AQP9: variants seen among roughly 807,000 people sequenced by gnomAD.
The protein encoded by AQP9 is aquaporin-9.
AQP9 carries 19 observed loss-of-function variants against 23.8 expected under a neutral mutation model. The ratio of observed to expected loss-of-function variants is 0.80; its 90% CI spans 0.56 to 1.17. The LOEUF (loss-of-function observed/expected upper bound fraction) is 1.17, where lower values mean the gene tolerates loss of function less well. Among genes scored for constraint, AQP9 ranks in the 50% most tolerant of loss-of-function variants. The probability of loss-of-function intolerance (pLI) is 0.00; values close to 1 mark genes in which losing one functional copy is unlikely to be tolerated. For synonymous variants in AQP9, 153 were observed against 131.5 expected (o/e 1.16, Z -1.12); for missense variants, 413 against 362.0 (o/e 1.14, Z -1.14).
intron 1 of AQP9, chr15:58,163,889 G>C (rs548939458): frequency 6.6e-6 from 1 of 152,248 alleles, no homozygotes; most frequent in Non-Finnish European, 1.5e-5. Flanking sequence ...ATGGTCTGCT[G>C]TCCCGGTGCT....
chr15:58,180,535 TGAATAAAA>T (rs1348222377), intron 5 of AQP9, among the ~76,000 whole-genome samples: 1 of 152,054 alleles, frequency 6.6e-6, no homozygotes, highest in Non-Finnish European at 1.5e-5. Flanking sequence ...AAAAAGGTAT[TGAATAAAA>T]GAATGAATGA....
intron 1 of AQP9, among the ~76,000 whole-genome samples, chr15:58,160,845 T>G (rs983835348): frequency 1.3e-5 from 2 of 152,062 alleles, no homozygotes; most frequent in African/African-American, 4.8e-5. Context: ...TTGGGTTTAG[T>G]TGGGGAAGGT....
intron 1 of AQP9, among the ~76,000 whole-genome samples, chr15:58,157,696 G>C (rs1327012916): frequency 6.6e-6 from 1 of 152,180 alleles, no homozygotes; most frequent in Non-Finnish European, 1.5e-5. Context: ...GAGAACAAGA[G>C]AGGAAAGGGT....
chr15:58,155,793 A>T (rs1236802388), intron 1 of AQP9: 2 of 152,122 alleles, frequency 1.3e-5, no homozygotes, highest in Non-Finnish European at 2.9e-5. Flanking sequence ...TTATTTGCAT[A>T]TGCAATCTTA....
At chr15:58,174,354 G>T (rs1417595217) in intron 3 of AQP9, among the ~76,000 whole-genome samples, 1 of 152,020 alleles carries the variant, frequency 6.6e-6, no homozygotes, top group African/African-American at 2.4e-5. Context: ...CCCATAGAGT[G>T]TCTCTCTGAG....
chr15:58,184,267 A>G lies in AQP9; in HGVS notation c.*132A>G. On this transcript the variant is annotated 3_prime_UTR_variant, in exon 6 of 6. Coordinates refer to ENST00000219919, the MANE Select transcript of AQP9 (RefSeq NM_020980.5). ...GTCTGCTAGCCATATGGGACATCTA[A>G]TTGGAAAAGCATCTGCATAAAAGTT... 1.1e-6 allele frequency: 1 copy of G among 904,346 alleles called. No individual in the cohort carries two copies. Among genetic ancestry groups the G allele is most frequent in the Non-Finnish European group, 1.7e-6 (1 of 603,400 alleles). 56.0% of individuals were successfully genotyped at this position (904,346 alleles called of 1,614,324 possible). A position where few individuals can be genotyped will look rare whatever the true frequency, so the allele number is the denominator to read the frequency against.
intron 1 of AQP9, chr15:58,150,932 G>T (rs1417778756): frequency 6.6e-6 from 1 of 152,098 alleles, no homozygotes; most frequent in Non-Finnish European, 1.5e-5. Flanking sequence ...CTTGACTTAT[G>T]AATGAACCCA....
intron 1 of AQP9, among the ~76,000 whole-genome samples, chr15:58,164,400 T>C (rs1031300797): frequency 6.6e-6 from 1 of 152,226 alleles, no homozygotes; most frequent in Non-Finnish European, 1.5e-5. Context: ...GTTTTATTCC[T>C]CATTTTAGGA....
chr15:58,155,674 C>G (rs910919551), intron 1 of AQP9: 2 of 152,120 alleles, frequency 1.3e-5, no homozygotes, highest in African/African-American at 4.8e-5. Context: ...TCCTCCTCTT[C>G]CTAATAATTC....
intron 1 of AQP9, among the ~76,000 whole-genome samples, chr15:58,140,988 G>T (rs1322524036): frequency 6.6e-6 from 1 of 152,186 alleles, no homozygotes; most frequent in Non-Finnish European, 1.5e-5. Flanking sequence ...TAAGAGAAAA[G>T]AAGGTCCATG....
intron 1 of AQP9, among the ~76,000 whole-genome samples, chr15:58,156,877 T>C (rs1205238180): frequency 5.3e-5 from 8 of 152,164 alleles, no homozygotes; most frequent in Non-Finnish European, 1.0e-4. Context: ...CTTAAGTTAT[T>C]GCTATCAGGT....
chr15:58,179,420 A>G, intron 5 of AQP9, 75 bp downstream of exon 5: 1 of 1,385,708 alleles, frequency 7.2e-7, no homozygotes, highest in Non-Finnish European at 9.9e-7. Context: ...TTTGACATGG[A>G]GATCCAGGGA....
chr15:58,178,820 T>A (rs1467268465), intron 4 of AQP9, among the ~76,000 whole-genome samples: 2 of 152,160 alleles, frequency 1.3e-5, no homozygotes, highest in Non-Finnish European at 2.9e-5. Context: ...AGCAGGATAG[T>A]GTGGTATTAA....
intron 5 of AQP9, among the ~76,000 whole-genome samples, chr15:58,181,287 C>G (rs1163587497): frequency 2.0e-5 from 3 of 152,196 alleles, no homozygotes; most frequent in African/African-American, 7.2e-5. Context: ...TTACTCAAGG[C>G]TCTCCACTAA....
At chr15:58,172,646 G>C (rs1431697729) in intron 2 of AQP9, among the ~76,000 whole-genome samples, 2 of 152,106 alleles carry the variant, frequency 1.3e-5, no homozygotes, top group East Asian at 3.9e-4. Context: ...ATGGCCGGAG[G>C]AACTGCTAGA....
chr15:58,143,670 T>G (rs952961835), intron 1 of AQP9, among the ~76,000 whole-genome samples: 1 of 152,226 alleles, frequency 6.6e-6, no homozygotes, highest in Non-Finnish European at 1.5e-5. Context: ...CTTATACATC[T>G]TCTCCAATTT....
At chr15:58,171,212 C>A (rs983964039) in intron 2 of AQP9, among the ~76,000 whole-genome samples, 12 of 151,852 alleles carry the variant, frequency 7.9e-5, no homozygotes, top group Non-Finnish European at 1.6e-4. Context: ...CTCAGCCTCC[C>A]GAGTAGCTGG....
At chr15:58,150,261 G>A (rs1898123938) in intron 1 of AQP9, 1 of 152,648 alleles carries the variant, frequency 6.6e-6, no homozygotes, top group Admixed American at 6.5e-5. Context: ...ACAGCCTGAT[G>A]GAAGGTAGTC....
intron 1 of AQP9, among the ~76,000 whole-genome samples, chr15:58,157,289 A>G (rs532588726): frequency 3.9e-4 from 60 of 152,326 alleles, no homozygotes; most frequent in Middle Eastern, 3.4e-3. Context: ...CATAGTACGG[A>G]GCAAATGTGC....
Sources: gnomAD v4.1 joint callset for allele counts (sites outside exome capture counted in the v4.1 genomes callset) on GRCh38, gnomAD v4.1.1 for gene constraint, MANE v1.5 for transcripts, NCBI Gene and HGNC (gene_info 2026-07-23, HGNC 2026-07-21) for gene names.